DPYD: variants seen among roughly 807,000 people sequenced by gnomAD.
The protein encoded by DPYD is dihydropyrimidine dehydrogenase [NADP(+)].
DPYD carries 109 observed loss-of-function variants against 116.2 expected under a neutral mutation model. The observed-to-expected ratio is 0.94, with a 90% CI of 0.80 to 1.10. The LOEUF (loss-of-function observed/expected upper bound fraction) is 1.10, where lower values mean the gene tolerates loss of function less well. DPYD is among the 50% of genes least tolerant of loss of function. DPYD has a pLI of 0.00. For synonymous variants in DPYD, 440 were observed against 432.0 expected, an observed-to-expected ratio of 1.02 and a Z score of -0.23; for missense variants, 1,302 against 1,254.5, an observed-to-expected ratio of 1.04 and a Z score of -0.57.
intron 10 of DPYD, among the ~76,000 whole-genome samples, chr1:97,580,719 C>A (rs1056205839): frequency 2.0e-5 from 3 of 152,132 alleles, no homozygotes; most frequent in Non-Finnish European, 2.9e-5. Flanking sequence ...GATATCTAAT[C>A]ATCTTCAATA....
intron 19 of DPYD, among the ~76,000 whole-genome samples, chr1:97,220,908 T>C (rs960129778): frequency 1.3e-5 from 2 of 152,162 alleles, no homozygotes; most frequent in African/African-American, 4.8e-5. Context: ...GATTTACTCT[T>C]TACCCCAAGT....
intron 3 of DPYD, among the ~76,000 whole-genome samples, chr1:97,788,205 C>T (rs927049032): frequency 2.0e-5 from 3 of 152,158 alleles, no homozygotes. Flanking sequence ...TCATTCCCTT[C>T]CCTTGAATCT....
chr1:97,610,223 A>G (rs768723001), intron 8 of DPYD, among the ~76,000 whole-genome samples: 18 of 152,018 alleles, frequency 1.2e-4, no homozygotes, highest in South Asian at 4.2e-4. Context: ...ACAGCAAAAT[A>G]TTGTCAAGTC....
intron 20 of DPYD, among the ~76,000 whole-genome samples, chr1:97,131,519 T>C (rs1032160817): frequency 6.6e-6 from 1 of 152,146 alleles, no homozygotes; most frequent in African/African-American, 2.4e-5. Flanking sequence ...TCAAAGAGCA[T>C]GCATTGCTGG....
At chr1:97,512,205 T>C (rs1647851920) in intron 13 of DPYD, among the ~76,000 whole-genome samples, 1 of 151,826 alleles carries the variant, frequency 6.6e-6, no homozygotes, top group South Asian at 2.1e-4. Flanking sequence ...GGTTGTGTTT[T>C]ACAGAAACAG....
At chr1:97,901,623 T>C (rs892559104) in intron 1 of DPYD, among the ~76,000 whole-genome samples, 6 of 151,722 alleles carry the variant, frequency 4.0e-5, no homozygotes, top group East Asian at 3.9e-4. Context: ...AAAATAAAAG[T>C]TGGGATAGAA....
intron 10 of DPYD, among the ~76,000 whole-genome samples, chr1:97,584,324 G>A (rs1226579344): frequency 6.6e-5 from 10 of 152,052 alleles, no homozygotes; most frequent in Admixed American, 1.3e-4. Flanking sequence ...TTTGTCAGAT[G>A]AGTAGGTTGC....
intron 16 of DPYD, among the ~76,000 whole-genome samples, chr1:97,333,655 G>C (rs958791345): frequency 6.7e-6 from 1 of 149,794 alleles, no homozygotes; most frequent in East Asian, 2.0e-4. Flanking sequence ...CGAGTAGCCG[G>C]GATTACAGGT....
At chr1:97,827,154 T>A (rs1669280954) in intron 3 of DPYD, among the ~76,000 whole-genome samples, 1 of 152,092 alleles carries the variant, frequency 6.6e-6, no homozygotes, top group African/African-American at 2.4e-5. Flanking sequence ...GTGCTAGCAA[T>A]AACAAAATTG....
chr1:97,836,508 C>T (rs1253595633), intron 2 of DPYD, among the ~76,000 whole-genome samples: 3 of 151,934 alleles, frequency 2.0e-5, no homozygotes, highest in Non-Finnish European at 2.9e-5. Flanking sequence ...AGTTAGACAC[C>T]AGGTAAACTC....
intron 18 of DPYD, among the ~76,000 whole-genome samples, chr1:97,297,312 A>C (rs1237085063): frequency 6.6e-6 from 1 of 152,160 alleles, no homozygotes; most frequent in African/African-American, 2.4e-5. Context: ...TCCACCTTCA[A>C]GTATCAGACA....
At chr1:97,219,539 G>T (rs1660648165) in intron 19 of DPYD, among the ~76,000 whole-genome samples, 1 of 152,134 alleles carries the variant, frequency 6.6e-6, no homozygotes, top group Non-Finnish European at 1.5e-5. Context: ...GTTGATAAAG[G>T]CACATTTTTG....
At chr1:97,311,197 G>A (rs1667495145) in intron 16 of DPYD, among the ~76,000 whole-genome samples, 1 of 151,714 alleles carries the variant, frequency 6.6e-6, no homozygotes, top group African/African-American at 2.4e-5. Context: ...AAATTAAAAT[G>A]TTAATATATT....
rs78076290 is a variant in DPYD at position 97,432,447 on chromosome 1, T to A, written c.1905+17612A>T. ...ATTTCTCTTTGGATCTGTTAAAATATTTATTTTACAACTCTCTAATAAAAT... is the reference window on the plus strand; with the variant it reads ...ATTTCTCTTTGGATCTGTTAAAATAATTATTTTACAACTCTCTAATAAAAT... On this transcript the variant is annotated intron_variant, in intron 14 of 22. Transcript: ENST00000370192. 6.9e-3 allele frequency among the ~76,000 whole-genome samples: 1,044 copies of A among 152,288 alleles called. 13 individuals carry two copies. Among genetic ancestry groups the A allele is most frequent in the African/African-American group, 0.024 (990 of 41,582 alleles).
intron 13 of DPYD, chr1:97,514,348 C>CT: frequency 6.3e-6 from 4 of 638,076 alleles, no homozygotes; most frequent in Non-Finnish European, 7.8e-6. Flanking sequence ...GCAAACACCT[C>CT]TTTTTTTCAG....
At chr1:97,824,357 G>A (rs1050636296) in intron 3 of DPYD, among the ~76,000 whole-genome samples, 5 of 152,112 alleles carry the variant, frequency 3.3e-5, no homozygotes, top group African/African-American at 1.2e-4. Context: ...CTCCATTGTT[G>A]AGAACTCTGT....
intron 10 of DPYD, among the ~76,000 whole-genome samples, chr1:97,582,506 A>G (rs956283749): frequency 3.3e-5 from 5 of 152,142 alleles, no homozygotes; most frequent in South Asian, 4.1e-4. Flanking sequence ...TTAATTTACT[A>G]AACAGTTTTT....
chr1:97,294,393 T>C (rs1666394434), intron 18 of DPYD, among the ~76,000 whole-genome samples: 1 of 151,868 alleles, frequency 6.6e-6, no homozygotes, highest in Non-Finnish European at 1.5e-5. Flanking sequence ...GTATAGGTTT[T>C]TTAAATCTCA....
rs187527495 is a variant in DPYD at position 97,700,075 on chromosome 1, C to T, written c.484-528G>A. ...TAATGATTTAAAAAAATAGTTGAAACATTCAAGAACTACTGACGCAGGCAT... is the reference window on the plus strand; with the variant it reads ...TAATGATTTAAAAAAATAGTTGAAATATTCAAGAACTACTGACGCAGGCAT... On this transcript the variant is annotated intron_variant, in intron 5 of 22. Transcript: ENST00000370192. The T allele has an allele frequency of 1.1e-5, 4 of 349,364 alleles. No individual in the cohort carries two copies. The Admixed American group carries it at 1.6e-4, about 14-fold the overall frequency. 21.6% of individuals were successfully genotyped at this position (349,364 alleles called of 1,614,324 possible).
Sources: allele counts gnomAD v4.1 joint callset (sites outside exome capture counted in the v4.1 genomes callset), GRCh38; gene constraint gnomAD v4.1.1; transcripts MANE v1.5; gene names NCBI Gene and HGNC (gene_info 2026-07-23, HGNC 2026-07-21).